The following CHD9 variants were observed in gnomAD, a reference collection of about 807,000 sequenced individuals.
CHD9 encodes ATP-dependent chromatin remodeler CHD9.
CHD9 carries 77 observed loss-of-function variants against 316.1 expected under a neutral mutation model. That is an observed-to-expected ratio of 0.24 (90% CI 0.20 to 0.29). The LOEUF is 0.29. CHD9 is among the 10% of genes least tolerant of loss of function. The pLI is 1.00. For missense variants in CHD9, 2,763 were observed against 3,438.1 expected (o/e 0.80, Z 4.91); for synonymous variants, 1,129 against 1,158.3 (o/e 0.97, Z 0.51).
chr16:53,315,034 C>A lies in CHD9; in HGVS notation c.7574C>A (p.Ala2525Asp), dbSNP rs747628208. The A allele has an allele frequency of 1.9e-6, 3 of 1,611,838 alleles. No individual in the cohort carries two copies. The South Asian group carries it at 3.3e-5, about 18-fold the overall frequency. Reference sequence around the variant, plus strand: ...CCGGGTTATGTGGAAGATTTGGGAGCTTTTATTCCTGTAGGTGACACCTTA... The same window carrying A: ...CCGGGTTATGTGGAAGATTTGGGAGATTTTATTCCTGTAGGTGACACCTTA... The part of the protein sequence containing the change: ...EHPGYVEDLG[A>D]FIPRMQLHEG... The change falls in exon 36 of 39, where the codon GCT becomes GAT. Residue 2525 changes from alanine to aspartate, a missense_variant. Ala to Asp is a moderately radical substitution (Grantham distance 126). This residue lies in a region of CHD9 where 663 missense variants were observed against 751.2 expected (regional missense o/e 0.88). Transcript: ENST00000447540.
In CHD9 at chr16:53,325,977, A is replaced by T. The variant is rs2057526353; in HGVS notation, c.*1082A>T. 1 of 152,554 alleles carries T rather than the reference A, an allele frequency of 6.6e-6. No individual in the cohort carries two copies. Among genetic ancestry groups the T allele is most frequent in the Non-Finnish European group, 1.5e-5 (1 of 67,950 alleles). 9.5% of individuals were successfully genotyped at this position (152,554 alleles called of 1,614,324 possible). On this transcript the variant is annotated 3_prime_UTR_variant, in exon 39 of 39. Transcript: ENST00000447540. ...GGTGTAAGCAGACTAAATGTTGCCC[A>T]GAATCAGTGTTGGGTTATCAGTTTA...
intron 3 of CHD9, among the ~76,000 whole-genome samples, chr16:53,214,461 A>G (rs1384470249): frequency 1.3e-5 from 2 of 152,206 alleles, no homozygotes; most frequent in Non-Finnish European, 2.9e-5. Flanking sequence ...AGCAGTTGTC[A>G]AAATGCATGG....
At chr16:53,102,866 G>T (rs2037004872) in intron 1 of CHD9, among the ~76,000 whole-genome samples, 1 of 151,734 alleles carries the variant, frequency 6.6e-6, no homozygotes. Flanking sequence ...TTTTTGGGGG[G>T]ACAGAGTCTT....
chr16:53,156,399 C>G lies in CHD9; in HGVS notation c.310C>G (p.Pro104Ala), dbSNP rs763090133. The change falls in exon 2 of 39, where the codon CCA (proline) becomes GCA (alanine). Residue 104 changes from proline to alanine, a missense_variant. Pro to Ala is a conservative substitution (Grantham distance 27). Coordinates refer to ENST00000447540, the MANE Select transcript of CHD9 (RefSeq NM_001308319.2). ...TCCACACTCTCAGTTTAATTGTTCT[C>G]CAATCCATCCCCAAAACCAACCCAA... ...LSPHSQFNCS[P>A]IHPQNQPNGL... 3.7e-6 allele frequency: 6 copies of G among 1,613,896 alleles called. No homozygotes were observed. The highest frequency in any genetic ancestry group is 4.5e-5 in the East Asian group (2 of 44,894).
chr16:53,133,308 TACTA>T (rs1017066250), intron 1 of CHD9, among the ~76,000 whole-genome samples: 7 of 152,058 alleles, frequency 4.6e-5, no homozygotes, highest in Non-Finnish European at 1.0e-4. Flanking sequence ...GTCAAAAACA[TACTA>T]AGTAAGGTGT....
chr16:53,072,306 G>T (rs893442819), intron 1 of CHD9, among the ~76,000 whole-genome samples: 2 of 133,764 alleles, frequency 1.5e-5, no homozygotes, highest in Admixed American at 1.5e-4. Context: ...TACTTTGGAA[G>T]GAAAGCCATA....
intron 2 of CHD9, among the ~76,000 whole-genome samples, chr16:53,190,000 T>C (rs1567448832): frequency 6.6e-6 from 1 of 152,120 alleles, no homozygotes; most frequent in Non-Finnish European, 1.5e-5. Flanking sequence ...TAAAATACTT[T>C]TGAGTATTCT....
At chr16:53,056,418 G>C (rs2032124489) in intron 1 of CHD9, among the ~76,000 whole-genome samples, 1 of 152,210 alleles carries the variant, frequency 6.6e-6, no homozygotes, top group Non-Finnish European at 1.5e-5. Context: ...GCAGGGCCAA[G>C]TTAGACTCCT....
At chr16:53,191,777 G>T (rs2044496787) in intron 2 of CHD9, among the ~76,000 whole-genome samples, 1 of 151,908 alleles carries the variant, frequency 6.6e-6, no homozygotes, top group Non-Finnish European at 1.5e-5. Context: ...ATTTATTTTG[G>T]GTAAATATTG....
At chr16:53,097,368 C>CTTCCT (rs1207628481) in intron 1 of CHD9, among the ~76,000 whole-genome samples, 1 of 148,842 alleles carries the variant, frequency 6.7e-6, no homozygotes, top group African/African-American at 2.5e-5. Context: ...TCCTTCCTTC[C>CTTCCT]TTCCTTCCTT....
rs1004662588 is a variant in CHD9, at chr16:53,229,995, T to A, written c.2286+895T>A. ...GTGTTTATTTTTATCTGGTCCAGAG[T>A]CTAATCCAGCAGCACATGTTACATT... On this transcript the variant is annotated intron_variant, in intron 8 of 38. Transcript: ENST00000447540. 6.6e-5 allele frequency among the ~76,000 whole-genome samples: 10 copies of A among 152,166 alleles called. 1 individual carries two copies. The highest frequency in any genetic ancestry group is 6.5e-4 in the Admixed American group (10 of 15,276).
chr16:53,284,646 C>T (rs1377900223), intron 24 of CHD9, among the ~76,000 whole-genome samples: 1 of 152,122 alleles, frequency 6.6e-6, no homozygotes, highest in Non-Finnish European at 1.5e-5. Flanking sequence ...TTATTTGTTA[C>T]TTATAAAATC....
chr16:53,142,030 T>G (rs1276963773), intron 1 of CHD9, among the ~76,000 whole-genome samples: 1 of 152,102 alleles, frequency 6.6e-6, no homozygotes, highest in Non-Finnish European at 1.5e-5. Context: ...AGGAATAAAA[T>G]AGGAAGTACA....
In CHD9 at chr16:53,299,097, C is replaced by T. The variant is rs78205514; in HGVS notation, c.5713+1939C>T. 1,657 of 182,834 alleles carry T rather than the reference C, an allele frequency of 9.1e-3. 32 individuals carry two copies. The highest frequency in any genetic ancestry group is 0.037 in the African/African-American group (1,563 of 42,174). The allele number at this position is 182,834 out of a possible 1,614,324, so 11.3% of individuals were successfully genotyped here. A position where few individuals can be genotyped will look rare whatever the true frequency, so the allele number is the denominator to read the frequency against. ...GTCCTCCAGGAACTGGAAAAACATT[C>T]CTATGTAAAGCATTAGCCCACAAAT... On this transcript the variant is annotated intron_variant, in intron 30 of 38. Coordinates refer to ENST00000447540, the MANE Select transcript of CHD9 (RefSeq NM_001308319.2).
intron 22 of CHD9, among the ~76,000 whole-genome samples, chr16:53,272,982 A>G (rs186046200): frequency 0.01 from 1,581 of 152,176 alleles, 15 homozygotes; most frequent in Non-Finnish European, 0.015. Context: ...CCAGCTACTC[A>G]GGAGGCTGAG....
At position 53,288,004 on chromosome 16, in the gene CHD9, A is replaced by G. The variant is rs751176884; in HGVS notation, c.5237A>G (p.Asp1746Gly). The change falls in exon 27 of 39, where the codon GAT becomes GGT. Residue 1746 changes from aspartate to glycine, a missense_variant. By Grantham distance (94) the Asp-to-Gly change is moderately conservative. Transcript: ENST00000447540. Reference sequence around the variant, plus strand: ...AAACCTGCCCCAGCCATCTTTAAAGATGATATAGAGGTATGCATTGGATCA... The same window carrying G: ...AAACCTGCCCCAGCCATCTTTAAAGGTGATATAGAGGTATGCATTGGATCA... The part of the protein sequence containing the change: ...EYKPAPAIFK[D>G]DIEDDVSSPG... The G allele has an allele frequency of 6.2e-7, 1 of 1,608,842 alleles. No individual in the cohort carries two copies. Among genetic ancestry groups the G allele is most frequent in the Non-Finnish European group, 8.5e-7 (1 of 1,175,132 alleles).
chr16:53,122,655 T>G (rs998788827), intron 1 of CHD9, among the ~76,000 whole-genome samples: 1 of 151,636 alleles, frequency 6.6e-6, no homozygotes, highest in Non-Finnish European at 1.5e-5. Context: ...AGAAGTTCTC[T>G]TGCCTTAGCC....
intron 2 of CHD9, among the ~76,000 whole-genome samples, chr16:53,203,636 A>G (rs1032809116): frequency 2.0e-5 from 3 of 152,152 alleles, no homozygotes; most frequent in African/African-American, 7.2e-5. Context: ...GCTACAATGC[A>G]GTTATATCTC....
chr16:53,143,341 ATTTTT>A (rs939408584), intron 1 of CHD9, among the ~76,000 whole-genome samples: 1 of 149,406 alleles, frequency 6.7e-6, no homozygotes, highest in African/African-American at 2.5e-5. Context: ...GATTTTATTT[ATTTTT>A]ATTTTATCTT....
Sources: gnomAD v4.1 joint callset for allele counts (sites outside exome capture counted in the v4.1 genomes callset) on GRCh38, gnomAD v4.1.1 for gene constraint, gnomAD v4.1.1 regional missense constraint, MANE v1.5 for transcripts, NCBI Gene and HGNC (gene_info 2026-07-23, HGNC 2026-07-21) for gene names.